FARS2: variants seen among roughly 807,000 people sequenced by gnomAD.
FARS2 encodes phenylalanine--tRNA ligase, mitochondrial.
Under a neutral mutation model 46.4 loss-of-function variants are expected in FARS2, and 40 were observed. The observed-to-expected ratio is 0.86, with a 90% CI of 0.67 to 1.12. The LOEUF (loss-of-function observed/expected upper bound fraction) is 1.12, where lower values mean the gene tolerates loss of function less well. FARS2 is among the 50% of genes most tolerant of loss of function. The pLI is 0.00. For missense variants in FARS2, 513 were observed against 567.9 expected, an observed-to-expected ratio of 0.90 and a Z score of 0.98; for synonymous variants, 234 against 214.9, an observed-to-expected ratio of 1.09 and a Z score of -0.78.
At chr6:5,771,027 C>A (rs150736036) in intron 6 of FARS2, among the ~76,000 whole-genome samples, 1 of 152,328 alleles carries the variant, frequency 6.6e-6, no homozygotes, top group African/African-American at 2.4e-5. Flanking sequence ...CCTGGGAAAT[C>A]AAATTTGTCA....
chr6:5,752,176 C>G (rs1761984653), intron 6 of FARS2, among the ~76,000 whole-genome samples: 1 of 152,170 alleles, frequency 6.6e-6, no homozygotes, highest in Non-Finnish European at 1.5e-5. Context: ...CTCTGTTTCT[C>G]CCCCGCCCCC....
At chr6:5,554,628 G>A (rs1280887060) in intron 5 of FARS2, among the ~76,000 whole-genome samples, 1 of 152,196 alleles carries the variant, frequency 6.6e-6, no homozygotes, top group Non-Finnish European at 1.5e-5. Flanking sequence ...CTTGGCATTT[G>A]TTGAATGCTG....
intron 4 of FARS2, among the ~76,000 whole-genome samples, chr6:5,489,011 G>T (rs1582250510): frequency 6.6e-6 from 1 of 152,318 alleles, no homozygotes; most frequent in East Asian, 1.9e-4. Context: ...GGAGCTTACA[G>T]TATGGTGGGG....
intron 5 of FARS2, among the ~76,000 whole-genome samples, chr6:5,547,911 C>T (rs1771133672): frequency 6.6e-6 from 1 of 152,150 alleles, no homozygotes; most frequent in African/African-American, 2.4e-5. Flanking sequence ...TGTGTACAGA[C>T]CTTTTCAACT....
intron 6 of FARS2, among the ~76,000 whole-genome samples, chr6:5,680,414 T>C (rs1778974535): frequency 6.6e-6 from 1 of 152,158 alleles, no homozygotes; most frequent in Admixed American, 6.5e-5. Flanking sequence ...AGAAAAGGAT[T>C]TCTGGTAGGC....
At chr6:5,756,687 A>G (rs1307062058) in intron 6 of FARS2, among the ~76,000 whole-genome samples, 1 of 152,210 alleles carries the variant, frequency 6.6e-6, no homozygotes, top group Non-Finnish European at 1.5e-5. Context: ...AAGAGTCAAA[A>G]AAATCATATT....
intron 6 of FARS2, among the ~76,000 whole-genome samples, chr6:5,721,034 CAT>C (rs1007712855): frequency 3.2e-4 from 49 of 152,294 alleles, no homozygotes; most frequent in African/African-American, 1.2e-3. Context: ...GCCTGGGTGA[CAT>C]AGTGAAACCT....
At chr6:5,663,492 A>T (rs1777947825) in intron 6 of FARS2, among the ~76,000 whole-genome samples, 1 of 152,222 alleles carries the variant, frequency 6.6e-6, no homozygotes, top group Non-Finnish European at 1.5e-5. Flanking sequence ...TGGGGCCACC[A>T]GCAGACAGCT....
At chr6:5,561,080 G>A (rs1771953246) in intron 5 of FARS2, among the ~76,000 whole-genome samples, 1 of 152,146 alleles carries the variant, frequency 6.6e-6, no homozygotes, top group African/African-American at 2.4e-5. Context: ...GCAGTGAGCC[G>A]AGATCATGCC....
intron 4 of FARS2, among the ~76,000 whole-genome samples, chr6:5,465,742 T>C (rs541074639): frequency 6.6e-6 from 1 of 152,128 alleles, no homozygotes; most frequent in Non-Finnish European, 1.5e-5. Flanking sequence ...TTTCTTTCAA[T>C]AAATGGAGGC....
At chr6:5,278,299 C>T (rs961551234) in intron 1 of FARS2, among the ~76,000 whole-genome samples, 5 of 152,148 alleles carry the variant, frequency 3.3e-5, no homozygotes, top group Admixed American at 1.3e-4. Context: ...CTCATTAGTG[C>T]GCTTTGGTTT....
chr6:5,601,392 C>T (rs573925536), intron 5 of FARS2, among the ~76,000 whole-genome samples: 41 of 151,804 alleles, frequency 2.7e-4, no homozygotes, highest in African/African-American at 9.7e-4. Flanking sequence ...GGCATGGTGG[C>T]GGGCGCCTGT....
chr6:5,754,342 G>T (rs1247165860), intron 6 of FARS2, among the ~76,000 whole-genome samples: 1 of 152,184 alleles, frequency 6.6e-6, no homozygotes, highest in Non-Finnish European at 1.5e-5. Flanking sequence ...GAGACTGATT[G>T]TAACGGCCAG....
chr6:5,277,515 G>C (rs949038327), intron 1 of FARS2, among the ~76,000 whole-genome samples: 2 of 152,038 alleles, frequency 1.3e-5, no homozygotes, highest in Non-Finnish European at 2.9e-5. Context: ...CAAAGAAAAT[G>C]CAGTAAAACT....
chr6:5,442,768 G>T (rs1446172277), intron 4 of FARS2, among the ~76,000 whole-genome samples: 1 of 152,122 alleles, frequency 6.6e-6, no homozygotes, highest in Non-Finnish European at 1.5e-5. Context: ...CTCAGAGCTT[G>T]CCTGGGAGCC....
chr6:5,291,406 A>C (rs1767494780), intron 1 of FARS2: 1 of 152,196 alleles, frequency 6.6e-6, no homozygotes, highest in African/African-American at 2.4e-5. Flanking sequence ...CTGGAGAGTT[A>C]GGCGGGAGGT....
intron 3 of FARS2, among the ~76,000 whole-genome samples, chr6:5,423,225 G>A (rs1762657526): frequency 6.6e-6 from 1 of 152,026 alleles, no homozygotes; most frequent in Non-Finnish European, 1.5e-5. Flanking sequence ...CTGTGGCTCT[G>A]CCTGAGGCCG....
intron 3 of FARS2, among the ~76,000 whole-genome samples, chr6:5,421,486 T>G (rs1370777752): frequency 6.6e-6 from 1 of 152,228 alleles, no homozygotes; most frequent in East Asian, 1.9e-4. Flanking sequence ...GAATTTCTCC[T>G]CAGAAAATGG....
At chr6:5,563,374 T>A (rs1294157679) in intron 5 of FARS2, among the ~76,000 whole-genome samples, 1 of 152,190 alleles carries the variant, frequency 6.6e-6, no homozygotes. Flanking sequence ...GGAATCTCCA[T>A]GTTTGGGTAG....
Sources: gnomAD v4.1 joint callset for allele counts (sites outside exome capture counted in the v4.1 genomes callset) on GRCh38, gnomAD v4.1.1 for gene constraint, MANE v1.5 for transcripts, NCBI Gene and HGNC (gene_info 2026-07-23, HGNC 2026-07-21) for gene names.